The following SLC30A6 variants were observed in gnomAD, a reference collection of about 807,000 sequenced individuals.
The protein encoded by SLC30A6 is zinc transporter 6.
A neutral mutation model predicts 63.0 loss-of-function variants in SLC30A6; 55 were observed. The ratio of observed to expected loss-of-function variants is 0.87; its 90% CI spans 0.70 to 1.09. SLC30A6 has a LOEUF of 1.09. Among genes scored for constraint, SLC30A6 ranks in the 50% least tolerant of loss-of-function variants. SLC30A6 has a pLI of 0.00. For synonymous variants in SLC30A6, 224 were observed against 186.1 expected (o/e 1.20, Z -1.66); for missense variants, 587 against 549.2 (o/e 1.07, Z -0.69).
At chr2:32,166,920 G>T (rs1467692655) in intron 1 of SLC30A6, among the ~76,000 whole-genome samples, 1 of 151,914 alleles carries the variant, frequency 6.6e-6, no homozygotes, top group Non-Finnish European at 1.5e-5. Flanking sequence ...CCATTGTGAA[G>T]CCTGTAGCCA....
chr2:32,221,421 A>G lies in SLC30A6; in HGVS notation c.*708A>G, dbSNP rs1388996901. 6.6e-6 allele frequency: 1 copy of G among 152,176 alleles called. No individual in the cohort carries two copies. Among genetic ancestry groups the G allele is most frequent in the Non-Finnish European group, 1.5e-5 (1 of 68,074 alleles). The allele number at this position is 152,176 out of a possible 1,614,324, so 9.4% of individuals were successfully genotyped here. ...ATGATCCACCCACCTTAGCCTCCCA[A>G]AGTGCTGGGATTAGGTGTGAGCCAC... On this transcript the variant is annotated 3_prime_UTR_variant, in exon 14 of 14. Coordinates refer to ENST00000282587, the MANE Select transcript of SLC30A6 (RefSeq NM_017964.5).
chr2:32,181,251 G>A (rs780980781), intron 4 of SLC30A6, among the ~76,000 whole-genome samples: 74 of 152,108 alleles, frequency 4.9e-4, no homozygotes, highest in Non-Finnish European at 8.8e-4. Context: ...TTCGATCAGT[G>A]TACCATATTT....
chr2:32,214,682 A>G (rs1347171736), intron 13 of SLC30A6: 1 of 152,238 alleles, frequency 6.6e-6, no homozygotes, highest in Non-Finnish European at 1.5e-5. Flanking sequence ...GTTAAGACCC[A>G]GGAATTTAAT....
At chr2:32,219,667 C>T (rs1159831691) in intron 13 of SLC30A6, among the ~76,000 whole-genome samples, 1 of 151,874 alleles carries the variant, frequency 6.6e-6, no homozygotes, top group East Asian at 1.9e-4. Context: ...AACTCCTGAC[C>T]TCAGGTAATC....
chr2:32,191,298 C>G (rs1190360052), intron 5 of SLC30A6, among the ~76,000 whole-genome samples: 1 of 152,046 alleles, frequency 6.6e-6, no homozygotes, highest in Non-Finnish European at 1.5e-5. Context: ...TTTCACTCAC[C>G]TTTTTCCATG....
intron 11 of SLC30A6, among the ~76,000 whole-genome samples, chr2:32,206,198 G>C (rs1161132397): frequency 2.6e-5 from 4 of 151,542 alleles, no homozygotes; most frequent in Non-Finnish European, 5.9e-5. Context: ...TGTAATCCCA[G>C]CACTTTGGGA....
intron 5 of SLC30A6, 141 bp downstream of exon 5, chr2:32,184,479 G>A (rs184081522): frequency 2.2e-6 from 1 of 446,072 alleles, no homozygotes; most frequent in East Asian, 4.1e-5. Flanking sequence ...AGTGAAAATA[G>A]ATAGGCTGGG....
chr2:32,174,431 G>C (rs977189106), intron 3 of SLC30A6, among the ~76,000 whole-genome samples: 1 of 151,460 alleles, frequency 6.6e-6, no homozygotes, highest in Non-Finnish European at 1.5e-5. Flanking sequence ...GAGCTCAAAC[G>C]ATCTACCCAC....
At chr2:32,199,499 T>C (rs1263038906) in intron 10 of SLC30A6, among the ~76,000 whole-genome samples, 2 of 152,226 alleles carry the variant, frequency 1.3e-5, no homozygotes, top group African/African-American at 4.8e-5. Context: ...CAGTGCATAA[T>C]AATCACATCA....
chr2:32,215,143 G>C (rs1480681684), intron 13 of SLC30A6, among the ~76,000 whole-genome samples: 1 of 150,248 alleles, frequency 6.7e-6, no homozygotes, highest in South Asian at 2.1e-4. Flanking sequence ...TTGAAAATCT[G>C]TGTTTATTTA....
intron 1 of SLC30A6, among the ~76,000 whole-genome samples, chr2:32,169,076 G>A (rs1680936549): frequency 1.3e-5 from 2 of 151,934 alleles, no homozygotes; most frequent in South Asian, 4.2e-4. Flanking sequence ...TAAATCTTTG[G>A]AACCAAAATA....
chr2:32,197,701 T>A lies in SLC30A6; in HGVS notation c.546-6T>A, dbSNP rs759209245. Reference sequence around the variant, plus strand: ...ATGGATACTCTTTCTGTTTGTTTTTTCTTAGCTTGTGTGGAATTATTCCGG... The same window carrying A: ...ATGGATACTCTTTCTGTTTGTTTTTACTTAGCTTGTGTGGAATTATTCCGG... On this transcript the variant is annotated splice_region_variant and splice_polypyrimidine_tract_variant and intron_variant, in intron 9 of 13. Transcript: ENST00000282587. 1 of 1,614,036 alleles carries A rather than the reference T, an allele frequency of 6.2e-7. No homozygotes were observed. Among genetic ancestry groups the A allele is most frequent in the South Asian group, 1.1e-5 (1 of 91,058 alleles).
chr2:32,184,247 C>T (rs1682606650), intron 4 of SLC30A6, 26 bp from the exon 5 acceptor site: 1 of 1,367,782 alleles, frequency 7.3e-7, no homozygotes, highest in African/African-American at 1.5e-5. Context: ...AGTTCTAATA[C>T]TAAATTTATT....
chr2:32,177,108 G>A (rs897304248), intron 4 of SLC30A6, among the ~76,000 whole-genome samples: 5 of 151,954 alleles, frequency 3.3e-5, no homozygotes, highest in South Asian at 4.1e-4. Flanking sequence ...GAGACCACTC[G>A]CCTTAGCTAT....
chr2:32,193,338 G>A (rs1683505099), intron 7 of SLC30A6, among the ~76,000 whole-genome samples: 1 of 152,042 alleles, frequency 6.6e-6, no homozygotes, highest in Non-Finnish European at 1.5e-5. Flanking sequence ...ACTTTGGGAG[G>A]CTAAGGCAGG....
rs1246637667 is a variant in SLC30A6 at position 32,220,807 on chromosome 2, C to T, written c.*94C>T. The T allele has an allele frequency of 8.9e-7, 1 of 1,124,624 alleles. No homozygotes were observed. The highest frequency in any genetic ancestry group is 1.6e-5 in the African/African-American group (1 of 63,650). The allele number at this position is 1,124,624 out of a possible 1,614,324, so 69.7% of individuals were successfully genotyped here. A position where few individuals can be genotyped will look rare whatever the true frequency, so the allele number is the denominator to read the frequency against. ...TGCATTGACTGTTTAATCATTTACT[C>T]TAAATGTTAGATAATAGTAGTCTTG... On this transcript the variant is annotated 3_prime_UTR_variant, in exon 14 of 14. Coordinates refer to ENST00000282587, the MANE Select transcript of SLC30A6 (RefSeq NM_017964.5).
intron 8 of SLC30A6, among the ~76,000 whole-genome samples, chr2:32,194,615 T>C (rs1317683041): frequency 6.6e-6 from 1 of 152,128 alleles, no homozygotes; most frequent in Admixed American, 6.6e-5. Flanking sequence ...AAAATAGAAG[T>C]GGGATGTGTG....
At chr2:32,194,394 T>C (rs534638157) in intron 8 of SLC30A6, among the ~76,000 whole-genome samples, 36 of 152,342 alleles carry the variant, frequency 2.4e-4, no homozygotes, top group African/African-American at 8.4e-4. Context: ...CCCAGGAACT[T>C]CTCTTTGGCA....
chr2:32,185,962 C>G (rs1682772852), intron 5 of SLC30A6, among the ~76,000 whole-genome samples: 1 of 151,462 alleles, frequency 6.6e-6, no homozygotes, highest in Admixed American at 6.6e-5. Flanking sequence ...AACTCCTGAC[C>G]TCAAATGATC....
Sources: allele counts gnomAD v4.1 joint callset (sites outside exome capture counted in the v4.1 genomes callset), GRCh38; gene constraint gnomAD v4.1.1; transcripts MANE v1.5; gene names NCBI Gene and HGNC (gene_info 2026-07-23, HGNC 2026-07-21).